Variants in ECHDC1 observed in about 807,000 individuals in gnomAD.
ECHDC1 encodes the protein ethylmalonyl-CoA decarboxylase 1.
Under a neutral mutation model 29.7 loss-of-function variants are expected in ECHDC1, and 29 were observed. The observed-to-expected ratio is 0.98, with a 90% CI of 0.73 to 1.33. ECHDC1 has a LOEUF of 1.33. Ranked by LOEUF, ECHDC1 falls within the 40% of genes most tolerant of loss-of-function variation. ECHDC1 has a pLI of 0.00. For missense variants in ECHDC1, 328 were observed against 350.0 expected (o/e 0.94, Z 0.50); for synonymous variants, 126 against 123.1 (o/e 1.02, Z -0.15).
intron 5 of ECHDC1, among the ~76,000 whole-genome samples, chr6:127,312,165 A>G (rs1781999293): frequency 1.3e-5 from 2 of 152,152 alleles, no homozygotes; most frequent in Non-Finnish European, 2.9e-5. Flanking sequence ...AGCATACTTC[A>G]CCTCTGCTAC....
intron 3 of ECHDC1, among the ~76,000 whole-genome samples, chr6:127,325,985 G>A (rs187067827): frequency 9.1e-4 from 139 of 152,206 alleles, no homozygotes; most frequent in African/African-American, 3.2e-3. Flanking sequence ...TTATAGGTGT[G>A]AGCCACCATG....
At chr6:127,312,595 G>A (rs1256212701) in intron 5 of ECHDC1, among the ~76,000 whole-genome samples, 1 of 152,096 alleles carries the variant, frequency 6.6e-6, no homozygotes, top group African/African-American at 2.4e-5. Context: ...TCACCCAAAA[G>A]ATATGACAAC....
intron 1 of ECHDC1, chr6:127,331,890 T>C (rs1783990500): frequency 1.0e-6 from 1 of 985,204 alleles, no homozygotes; most frequent in Non-Finnish European, 1.2e-6. Context: ...GGGAGGGAAA[T>C]AGGAATGTGT....
At chr6:127,330,024 C>A (rs1000055963) in intron 2 of ECHDC1, 2 of 285,548 alleles carry the variant, frequency 7.0e-6, no homozygotes, top group East Asian at 1.0e-4. Flanking sequence ...ATTTTCTGAG[C>A]CTCAAATTTC....
chr6:127,313,439 G>A (rs983344481), intron 5 of ECHDC1: 7 of 357,036 alleles, frequency 2.0e-5, no homozygotes, highest in Admixed American at 1.9e-4. Flanking sequence ...CTGACCTCAG[G>A]TGATCTGCCT....
intron 1 of ECHDC1, chr6:127,342,446 T>G (rs894898495): frequency 1.4e-6 from 2 of 1,476,458 alleles, no homozygotes; most frequent in Admixed American, 2.3e-5. Context: ...ACAGTCGCCT[T>G]TCAGGCCAGA....
chr6:127,290,142 T>G lies in ECHDC1; in HGVS notation c.633A>C (p.Lys211Asn). 1 of 1,613,760 alleles carries G rather than the reference T, an allele frequency of 6.2e-7. No homozygotes were observed. Among genetic ancestry groups the G allele is most frequent in the Non-Finnish European group, 8.5e-7 (1 of 1,179,786 alleles). The change falls in exon 6 of 6, where the codon AAA becomes AAC. Residue 211 changes from lysine to asparagine, a missense_variant. Physicochemically the swap from Lys to Asn is moderately conservative, Grantham distance 94 (BLOSUM62 0). Transcript: ENST00000454859. ...QALKVLSGAL[K>N]LDSKNALNIG... ...TGTTTAGAGCATTTTTTGAATCCAG[T>G]TTAAGGGCCCCACTCAACACTTTGA...
intron 5 of ECHDC1, among the ~76,000 whole-genome samples, chr6:127,310,041 T>C (rs1781774467): frequency 6.6e-6 from 1 of 151,994 alleles, no homozygotes; most frequent in Admixed American, 6.6e-5. Flanking sequence ...TATCAACAAC[T>C]GAATTCATGG....
chr6:127,308,058 A>G (rs1781591470), intron 5 of ECHDC1, among the ~76,000 whole-genome samples: 1 of 152,168 alleles, frequency 6.6e-6, no homozygotes, highest in Admixed American at 6.5e-5. Flanking sequence ...AAATTCTGCC[A>G]AACATTTAAA....
At chr6:127,293,181 C>CT (rs1484356514) in intron 5 of ECHDC1, among the ~76,000 whole-genome samples, 1 of 152,030 alleles carries the variant, frequency 6.6e-6, no homozygotes, top group Non-Finnish European at 1.5e-5. Flanking sequence ...TGAGTTAACT[C>CT]TTAAGTTTCA....
chr6:127,329,991 T>C (rs1783773720), intron 2 of ECHDC1: 1 of 330,184 alleles, frequency 3.0e-6, no homozygotes, highest in African/African-American at 2.2e-5. Flanking sequence ...GTATATAAAG[T>C]AGATACATGA....
In ECHDC1 at chr6:127,299,997, C is replaced by T. The variant is rs563262121; in HGVS notation, c.498-9720G>A. On this transcript the variant is annotated intron_variant, in intron 5 of 5. Coordinates refer to ENST00000454859, the MANE Select transcript of ECHDC1 (RefSeq NM_001002030.2). The stretch of plus-strand genomic sequence containing the variant: ...GGAGCAATAAGCTATACCATATAGC[C>T]GAGGTATGTAGTAAGCTGCACCCTA... Among the ~76,000 whole-genome samples the T allele has an allele frequency of 1.7e-4, 26 of 152,018 alleles. No individual in the cohort carries two copies. In the South Asian group the frequency reaches 4.4e-3, roughly 26 times the overall value.
intron 3 of ECHDC1, among the ~76,000 whole-genome samples, chr6:127,319,808 C>T (rs1364573277): frequency 6.6e-6 from 1 of 152,132 alleles, no homozygotes. Context: ...CCTCTAGCTC[C>T]TTCTCATAAA....
intron 1 of ECHDC1, among the ~76,000 whole-genome samples, chr6:127,337,233 C>T (rs983789019): frequency 2.0e-5 from 3 of 152,162 alleles, no homozygotes; most frequent in Non-Finnish European, 4.4e-5. Context: ...CTCCCCTTCC[C>T]GCTTTGTTTT....
chr6:127,342,549 T>G, intron 1 of ECHDC1: 1 of 589,022 alleles, frequency 1.7e-6, no homozygotes, highest in Non-Finnish European at 2.9e-6. Flanking sequence ...CACCACAAGC[T>G]TGTCTGTTCC....
At chr6:127,332,079 G>T (rs578225724) in intron 1 of ECHDC1, among the ~76,000 whole-genome samples, 2 of 152,104 alleles carry the variant, frequency 1.3e-5, no homozygotes, top group Non-Finnish European at 2.9e-5. Context: ...TTTTCACAAG[G>T]TGAATACATT....
chr6:127,339,396 G>GAAC (rs1784718173), intron 1 of ECHDC1, among the ~76,000 whole-genome samples: 2 of 151,404 alleles, frequency 1.3e-5, no homozygotes, highest in South Asian at 4.2e-4. Flanking sequence ...ACATAATGTG[G>GAAC]TTATTACTAT....
intron 4 of ECHDC1, chr6:127,315,366 CTG>C (rs1277961504): frequency 6.3e-6 from 2 of 319,384 alleles, no homozygotes; most frequent in Non-Finnish European, 1.2e-5. Flanking sequence ...GGCTCCAAAA[CTG>C]TGTTATGAAG....
At chr6:127,318,888 C>T (rs952960385) in intron 3 of ECHDC1, among the ~76,000 whole-genome samples, 4 of 152,184 alleles carry the variant, frequency 2.6e-5, no homozygotes, top group East Asian at 1.9e-4. Flanking sequence ...GTGTATCTCA[C>T]GAAGTGATGA....
Sources: allele counts gnomAD v4.1 joint callset (sites outside exome capture counted in the v4.1 genomes callset), GRCh38; gene constraint gnomAD v4.1.1; transcripts MANE v1.5; gene names NCBI Gene and HGNC (gene_info 2026-07-23, HGNC 2026-07-21).